The following CDK14 variants were observed in gnomAD, a reference collection of about 807,000 sequenced individuals.
The protein encoded by CDK14 is cyclin-dependent kinase 14.
Under a neutral mutation model 60.7 loss-of-function variants are expected in CDK14, and 34 were observed. That is an observed-to-expected ratio of 0.56 (90% CI 0.43 to 0.75). The LOEUF is 0.75. Ranked by LOEUF, CDK14 falls within the 30% of genes least tolerant of loss-of-function variation. CDK14 has a pLI of 0.00. For synonymous variants in CDK14, 197 were observed against 203.7 expected, an observed-to-expected ratio of 0.97 and a Z score of 0.28; for missense variants, 482 against 564.1, an observed-to-expected ratio of 0.85 and a Z score of 1.47.
intron 8 of CDK14, among the ~76,000 whole-genome samples, chr7:90,954,124 A>G (rs1313912266): frequency 2.0e-5 from 3 of 152,206 alleles, no homozygotes; most frequent in African/African-American, 4.8e-5. Context: ...ATAGTATACC[A>G]TTGCATTATT....
chr7:90,746,691 C>T (rs955814979), intron 3 of CDK14, among the ~76,000 whole-genome samples: 6 of 152,106 alleles, frequency 3.9e-5, no homozygotes, highest in Non-Finnish European at 8.8e-5. Context: ...GACAACACTC[C>T]CCTTTTCTTG....
chr7:90,621,019 T>G (rs967352557), intron 2 of CDK14, among the ~76,000 whole-genome samples: 6 of 152,106 alleles, frequency 3.9e-5, no homozygotes, highest in Admixed American at 2.0e-4. Flanking sequence ...GGATGGGAGT[T>G]TGCATCCCAC....
chr7:90,728,925 T>C (rs1403293412), intron 3 of CDK14, among the ~76,000 whole-genome samples: 1 of 151,778 alleles, frequency 6.6e-6, no homozygotes, highest in Non-Finnish European at 1.5e-5. Flanking sequence ...TCTCACAAAA[T>C]GGACTTACCC....
intron 2 of CDK14, among the ~76,000 whole-genome samples, chr7:90,705,614 T>G (rs1230494774): frequency 6.7e-6 from 1 of 150,072 alleles, no homozygotes; most frequent in East Asian, 2.0e-4. Flanking sequence ...ACCTGTTGAC[T>G]CGAGCCATTC....
intron 14 of CDK14, among the ~76,000 whole-genome samples, chr7:91,120,943 C>T (rs926095857): frequency 2.6e-5 from 4 of 152,150 alleles, no homozygotes; most frequent in African/African-American, 9.7e-5. Context: ...AGAAAAGCTA[C>T]AGGGAAGATG....
At chr7:90,654,606 T>G (rs1015541583) in intron 2 of CDK14, among the ~76,000 whole-genome samples, 1 of 152,166 alleles carries the variant, frequency 6.6e-6, no homozygotes, top group Non-Finnish European at 1.5e-5. Context: ...TGTTCCAGGA[T>G]TTAAGATGCA....
At chr7:90,696,093 G>A (rs1249581537) in intron 2 of CDK14, among the ~76,000 whole-genome samples, 1 of 152,200 alleles carries the variant, frequency 6.6e-6, no homozygotes, top group Admixed American at 6.5e-5. Context: ...TAGGATGGGA[G>A]CAGTGGAGCT....
At chr7:90,811,995 A>G (rs1480771214) in intron 5 of CDK14, among the ~76,000 whole-genome samples, 1 of 152,210 alleles carries the variant, frequency 6.6e-6, no homozygotes, top group Non-Finnish European at 1.5e-5. Context: ...GTGGAGAAAT[A>G]GGAACACTTT....
At chr7:90,643,292 A>G (rs991948828) in intron 2 of CDK14, among the ~76,000 whole-genome samples, 1 of 152,186 alleles carries the variant, frequency 6.6e-6, no homozygotes, top group Non-Finnish European at 1.5e-5. Flanking sequence ...TAATTTATTC[A>G]TTAGTACATT....
At chr7:90,793,652 G>A (rs1052884542) in intron 5 of CDK14, among the ~76,000 whole-genome samples, 2 of 152,176 alleles carry the variant, frequency 1.3e-5, no homozygotes, top group African/African-American at 2.4e-5. Flanking sequence ...AGTGGCTTTT[G>A]TCATCACAAT....
chr7:91,184,866 G>T (rs975098148), intron 14 of CDK14, among the ~76,000 whole-genome samples: 11 of 151,958 alleles, frequency 7.2e-5, no homozygotes, highest in Admixed American at 6.6e-5. Flanking sequence ...GCCTCAGAAG[G>T]AAGATTGGCC....
chr7:90,920,726 T>C (rs532563591), intron 8 of CDK14, among the ~76,000 whole-genome samples: 1 of 152,344 alleles, frequency 6.6e-6, no homozygotes, highest in South Asian at 2.1e-4. Flanking sequence ...ATGACACCCA[T>C]GCTTTATAAA....
chr7:91,134,759 C>T (rs1800219439), intron 14 of CDK14, among the ~76,000 whole-genome samples: 1 of 151,950 alleles, frequency 6.6e-6, no homozygotes, highest in Admixed American at 6.6e-5. Context: ...CCTGTAATCC[C>T]AGTGACTCGG....
rs199833158 is a variant in CDK14, at chr7:91,163,590, CACTT to C, written c.*29-43568_*29-43565del. 3.1e-3 allele frequency among the ~76,000 whole-genome samples: 469 copies of C among 152,288 alleles called. 2 individuals carry two copies. The highest frequency in any genetic ancestry group is 0.011 in the African/African-American group (450 of 41,544). On this transcript the variant is annotated intron_variant, in intron 14 of 14. Coordinates refer to ENST00000380050, the MANE Select transcript of CDK14 (RefSeq NM_001287135.2). Reference sequence around the variant, plus strand: ...AAGCTAATTGACATATCCATCACCTCACTTACTTACCGTTTTTTGCATTGGAAAT... The same window carrying C: ...AAGCTAATTGACATATCCATCACCTCACTTACCGTTTTTTGCATTGGAAAT...
chr7:90,886,594 C>A (rs1039955518), intron 6 of CDK14, among the ~76,000 whole-genome samples: 1 of 152,154 alleles, frequency 6.6e-6, no homozygotes, highest in Non-Finnish European at 1.5e-5. Flanking sequence ...GCAAATGGCA[C>A]TAAGTCAAGA....
chr7:90,807,802 G>C (rs1788916974), intron 5 of CDK14, among the ~76,000 whole-genome samples: 1 of 152,158 alleles, frequency 6.6e-6, no homozygotes, highest in Non-Finnish European at 1.5e-5. Flanking sequence ...CAAGGCACAA[G>C]AACTACATGA....
At chr7:90,746,186 A>C (rs1355152974) in intron 3 of CDK14, among the ~76,000 whole-genome samples, 2 of 152,212 alleles carry the variant, frequency 1.3e-5, no homozygotes, top group African/African-American at 4.8e-5. Context: ...TTCTTTCAGA[A>C]TTCTTCAAAA....
chr7:90,613,888 A>G (rs1799595359), intron 2 of CDK14, among the ~76,000 whole-genome samples: 2 of 151,928 alleles, frequency 1.3e-5, no homozygotes, highest in African/African-American at 4.8e-5. Context: ...GGCTTCTCCT[A>G]TTAGGAACCA....
chr7:90,925,306 A>G (rs1230132698), intron 8 of CDK14, among the ~76,000 whole-genome samples: 1 of 152,214 alleles, frequency 6.6e-6, no homozygotes, highest in African/African-American at 2.4e-5. Context: ...TGACCGGCTA[A>G]TATTGGATGT....
Sources: gnomAD v4.1 joint callset for allele counts (sites outside exome capture counted in the v4.1 genomes callset) on GRCh38, gnomAD v4.1.1 for gene constraint, MANE v1.5 for transcripts, NCBI Gene and HGNC (gene_info 2026-07-23, HGNC 2026-07-21) for gene names.